PARD3B: variants seen among roughly 807,000 people sequenced by gnomAD.
The protein encoded by PARD3B is partitioning defective 3 homolog B.
In PARD3B, 103 loss-of-function variants were observed where a neutral mutation model predicts 130.2. The ratio of observed to expected loss-of-function variants is 0.79; its 90% CI spans 0.67 to 0.93. The LOEUF (loss-of-function observed/expected upper bound fraction) is 0.93. Among genes scored for constraint, PARD3B ranks in the 40% least tolerant of loss-of-function variants. The pLI, the probability that PARD3B is intolerant of heterozygous loss-of-function variation, is 0.00. For missense variants in PARD3B, 1,609 were observed against 1,499.2 expected, an observed-to-expected ratio of 1.07 and a Z score of -1.21; for synonymous variants, 583 against 553.2, an observed-to-expected ratio of 1.05 and a Z score of -0.76.
chr2:205,307,729 A>G (rs1489462751), intron 18 of PARD3B, among the ~76,000 whole-genome samples: 1 of 152,230 alleles, frequency 6.6e-6, no homozygotes, highest in East Asian at 1.9e-4. Context: ...CTGATTTCTT[A>G]CTTAATAACC....
chr2:205,555,904 G>C (rs1357033589), intron 22 of PARD3B, among the ~76,000 whole-genome samples: 1 of 151,274 alleles, frequency 6.6e-6, no homozygotes, highest in Non-Finnish European at 1.5e-5. Flanking sequence ...GTCCATGGGT[G>C]GGGGGCTCCA....
At chr2:205,143,185 T>G (rs1238459576) in intron 10 of PARD3B, among the ~76,000 whole-genome samples, 1 of 152,218 alleles carries the variant, frequency 6.6e-6, no homozygotes, top group Non-Finnish European at 1.5e-5. Context: ...GAAATGTGTT[T>G]TTTTCCTTAT....
intron 2 of PARD3B, among the ~76,000 whole-genome samples, chr2:204,725,528 A>G (rs990206640): frequency 6.6e-6 from 1 of 152,214 alleles, no homozygotes; most frequent in Admixed American, 6.5e-5. Context: ...CCTTAGAACT[A>G]TAATCAAGTC....
At chr2:204,683,457 G>T (rs181099306) in intron 1 of PARD3B, among the ~76,000 whole-genome samples, 21 of 152,126 alleles carry the variant, frequency 1.4e-4, no homozygotes, top group African/African-American at 4.3e-4. Context: ...CAATGTAATG[G>T]TTGAAATTTT....
At chr2:205,346,604 C>T (rs1397751011) in intron 18 of PARD3B, among the ~76,000 whole-genome samples, 1 of 152,124 alleles carries the variant, frequency 6.6e-6, no homozygotes, top group Non-Finnish European at 1.5e-5. Flanking sequence ...TACAAGCTTT[C>T]GTTAGCTCTG....
chr2:204,929,269 T>C (rs1248919765), intron 2 of PARD3B, among the ~76,000 whole-genome samples: 1 of 152,188 alleles, frequency 6.6e-6, no homozygotes, highest in Non-Finnish European at 1.5e-5. Context: ...TAGTGTTCAC[T>C]GCTAGTTGAA....
intron 21 of PARD3B, among the ~76,000 whole-genome samples, chr2:205,503,474 G>A (rs1020865516): frequency 4.0e-5 from 6 of 150,422 alleles, no homozygotes; most frequent in Non-Finnish European, 7.4e-5. Context: ...TGATTTATTC[G>A]CTTTGTTTTA....
intron 2 of PARD3B, among the ~76,000 whole-genome samples, chr2:204,877,223 A>G (rs988378722): frequency 6.6e-6 from 1 of 152,086 alleles, no homozygotes; most frequent in African/African-American, 2.4e-5. Flanking sequence ...AAGGAAGGGG[A>G]ACATCACACA....
intron 1 of PARD3B, among the ~76,000 whole-genome samples, chr2:204,596,077 T>A (rs2033276490): frequency 6.6e-6 from 1 of 152,202 alleles, no homozygotes; most frequent in African/African-American, 2.4e-5. Flanking sequence ...TTGTGATGAT[T>A]TTTTTTGATA....
intron 2 of PARD3B, among the ~76,000 whole-genome samples, chr2:204,822,987 G>A (rs6435254): frequency 0.13 from 20,043 of 152,008 alleles, 2,521 homozygotes; most frequent in African/African-American, 0.33. Context: ...CACTAATCAG[G>A]TTTGAAAGTT....
chr2:204,814,285 G>T (rs2043065485), intron 2 of PARD3B, among the ~76,000 whole-genome samples: 1 of 151,468 alleles, frequency 6.6e-6, no homozygotes. Flanking sequence ...AGATACAATT[G>T]ATTTTTTTCG....
intron 2 of PARD3B, among the ~76,000 whole-genome samples, chr2:204,802,946 A>G (rs2042624446): frequency 6.6e-6 from 1 of 151,696 alleles, no homozygotes; most frequent in Admixed American, 6.6e-5. Context: ...TATGTAACAA[A>G]CCTGCACGTT....
intron 4 of PARD3B, among the ~76,000 whole-genome samples, chr2:205,051,655 C>G (rs1699199080): frequency 6.6e-6 from 1 of 152,132 alleles, no homozygotes; most frequent in African/African-American, 2.4e-5. Context: ...TCAAAAGTTG[C>G]AAAAGTTACA....
chr2:205,094,217 A>G lies in PARD3B; in HGVS notation c.505-10209A>G, dbSNP rs116435654. On this transcript the variant is annotated intron_variant, in intron 4 of 22. Coordinates refer to ENST00000406610, the MANE Select transcript of PARD3B (RefSeq NM_001302769.2). ...TTGTTTTTTGAAACTAGAGGCTTCC[A>G]ATAAAGATGTCACAAAGTGAAATGC... 7.0e-3 allele frequency among the ~76,000 whole-genome samples: 1,066 copies of G among 152,316 alleles called. 10 individuals are homozygous for G. Among genetic ancestry groups the G allele is most frequent in the African/African-American group, 0.024 (1,000 of 41,574 alleles).
At chr2:204,780,499 A>C (rs2041797907) in intron 2 of PARD3B, among the ~76,000 whole-genome samples, 1 of 152,176 alleles carries the variant, frequency 6.6e-6, no homozygotes, top group Non-Finnish European at 1.5e-5. Context: ...AACAACAGAA[A>C]TGTGTTCTAT....
chr2:205,023,826 A>T (rs917579041), intron 3 of PARD3B, among the ~76,000 whole-genome samples: 1 of 152,168 alleles, frequency 6.6e-6, no homozygotes, highest in Non-Finnish European at 1.5e-5. Context: ...TTAAAAAAAC[A>T]GATGTGTATT....
chr2:205,216,166 G>A (rs904960762), intron 15 of PARD3B, among the ~76,000 whole-genome samples: 3 of 152,126 alleles, frequency 2.0e-5, no homozygotes, highest in Admixed American at 6.5e-5. Context: ...CCATTAGGTT[G>A]AAATTGCCTA....
At chr2:205,362,195 C>G (rs2044414690) in intron 18 of PARD3B, among the ~76,000 whole-genome samples, 1 of 152,128 alleles carries the variant, frequency 6.6e-6, no homozygotes, top group Non-Finnish European at 1.5e-5. Context: ...AATTGTTTTT[C>G]TGACTTGACA....
At chr2:204,915,131 T>C (rs2047395392) in intron 2 of PARD3B, among the ~76,000 whole-genome samples, 1 of 152,140 alleles carries the variant, frequency 6.6e-6, no homozygotes, top group Non-Finnish European at 1.5e-5. Flanking sequence ...ACTTGTCACA[T>C]CTGGAAAACA....
Sources: allele counts gnomAD v4.1 joint callset (sites outside exome capture counted in the v4.1 genomes callset), GRCh38; gene constraint gnomAD v4.1.1; transcripts MANE v1.5; gene names NCBI Gene and HGNC (gene_info 2026-07-23, HGNC 2026-07-21).